PARD3: variants seen among roughly 807,000 people sequenced by gnomAD.
The protein encoded by PARD3 is par-3 family cell polarity regulator.
A neutral mutation model predicts 155.4 loss-of-function variants in PARD3; 75 were observed. That is an observed-to-expected ratio of 0.48 (90% CI 0.40 to 0.58). The LOEUF (loss-of-function observed/expected upper bound fraction) is 0.58, where lower values mean the gene tolerates loss of function less well. Ranked by LOEUF, PARD3 falls within the 20% of genes least tolerant of loss-of-function variation. The probability of loss-of-function intolerance (pLI) is 0.00; values close to 1 mark genes in which losing one functional copy is unlikely to be tolerated. For missense variants in PARD3, 1,642 were observed against 1,721.7 expected (o/e 0.95, Z 0.82); for synonymous variants, 576 against 610.5 (o/e 0.94, Z 0.83).
intron 2 of PARD3, among the ~76,000 whole-genome samples, chr10:34,603,877 T>C (rs187779461): frequency 6.6e-6 from 1 of 152,278 alleles, no homozygotes; most frequent in Non-Finnish European, 1.5e-5. Flanking sequence ...AAGGGCACAG[T>C]ACACAGAGAA....
At chr10:34,399,253 C>A in intron 7 of PARD3, 77 bp downstream of exon 7, 1 of 934,772 alleles carries the variant, frequency 1.1e-6, no homozygotes, top group Non-Finnish European at 1.8e-6. Flanking sequence ...TAAGTCAACA[C>A]CACTCTCTAT....
chr10:34,310,017 G>A (rs1250108141), intron 20 of PARD3, among the ~76,000 whole-genome samples: 2 of 151,850 alleles, frequency 1.3e-5, no homozygotes, highest in Non-Finnish European at 2.9e-5. Context: ...ATTAAACATA[G>A]GTCAGAAGAA....
chr10:34,477,430 CTGTT>C (rs1416448316), intron 3 of PARD3, among the ~76,000 whole-genome samples: 7 of 152,184 alleles, frequency 4.6e-5, no homozygotes, highest in Non-Finnish European at 1.0e-4. Flanking sequence ...AGGGTGGAGA[CTGTT>C]TGATGTGTAC....
chr10:34,420,171 T>C (rs1361032883), intron 5 of PARD3, among the ~76,000 whole-genome samples: 1 of 152,196 alleles, frequency 6.6e-6, no homozygotes, highest in Admixed American at 6.5e-5. Flanking sequence ...CCAGGCTAAA[T>C]CAATTTTTTA....
intron 2 of PARD3, among the ~76,000 whole-genome samples, chr10:34,670,557 AC>A (rs1431619738): frequency 6.6e-6 from 1 of 152,106 alleles, no homozygotes; most frequent in Non-Finnish European, 1.5e-5. Flanking sequence ...ACTAGCCCCA[AC>A]CCCATCCCAC....
At chr10:34,489,637 A>T (rs1326227480) in intron 3 of PARD3, among the ~76,000 whole-genome samples, 1 of 152,172 alleles carries the variant, frequency 6.6e-6, no homozygotes, top group Non-Finnish European at 1.5e-5. Context: ...TGTTTATATT[A>T]CCTTCAAAGT....
At chr10:34,431,760 A>T (rs1468831057) in intron 5 of PARD3, among the ~76,000 whole-genome samples, 1 of 132,186 alleles carries the variant, frequency 7.6e-6, no homozygotes, top group East Asian at 2.3e-4. Flanking sequence ...AAAAAAAAAA[A>T]AAAAAAATGC....
chr10:34,547,348 T>G (rs2133938014), intron 2 of PARD3, among the ~76,000 whole-genome samples: 1 of 152,338 alleles, frequency 6.6e-6, no homozygotes, highest in East Asian at 1.9e-4. Context: ...CAATACATTT[T>G]AAACATGAAC....
chr10:34,510,792 G>A (rs1026518200), intron 3 of PARD3, among the ~76,000 whole-genome samples: 1 of 151,974 alleles, frequency 6.6e-6, no homozygotes, highest in Admixed American at 6.6e-5. Context: ...CCCCTAGCCT[G>A]TACTATTCTG....
chr10:34,605,354 T>G (rs184733115), intron 2 of PARD3, among the ~76,000 whole-genome samples: 1 of 149,114 alleles, frequency 6.7e-6, no homozygotes, highest in Non-Finnish European at 1.5e-5. Context: ...CCACCACGCC[T>G]GGCTAATTTT....
intron 15 of PARD3, chr10:34,345,757 T>C: frequency 1.0e-6 from 1 of 985,426 alleles, no homozygotes; most frequent in Non-Finnish European, 1.2e-6. Context: ...AATGCCTTGT[T>C]TGGGCATTCT....
At chr10:34,674,295 GAAT>G (rs2093662033) in intron 2 of PARD3, among the ~76,000 whole-genome samples, 1 of 152,028 alleles carries the variant, frequency 6.6e-6, no homozygotes, top group African/African-American at 2.4e-5. Flanking sequence ...AGAAAGATCA[GAAT>G]AACCTGCCCC....
intron 22 of PARD3, among the ~76,000 whole-genome samples, chr10:34,218,125 C>T (rs1395917522): frequency 6.6e-6 from 1 of 152,178 alleles, no homozygotes. Flanking sequence ...ACACCATGCA[C>T]ACCTGACTGT....
intron 22 of PARD3, among the ~76,000 whole-genome samples, chr10:34,258,667 A>C (rs1048640013): frequency 3.3e-5 from 5 of 152,190 alleles, no homozygotes; most frequent in African/African-American, 9.7e-5. Flanking sequence ...TTAACCAAGA[A>C]AAACACATAG....
At chr10:34,177,637 G>T (rs1445290122) in intron 22 of PARD3, among the ~76,000 whole-genome samples, 1 of 152,146 alleles carries the variant, frequency 6.6e-6, no homozygotes, top group African/African-American at 2.4e-5. Flanking sequence ...AACCCACTGG[G>T]CAATTAGAAC....
intron 3 of PARD3, among the ~76,000 whole-genome samples, chr10:34,480,312 T>G (rs1345980445): frequency 6.6e-6 from 1 of 152,196 alleles, no homozygotes; most frequent in East Asian, 1.9e-4. Context: ...CACAGCTCAC[T>G]GCAGCCTGGA....
chr10:34,672,726 C>T lies in PARD3; in HGVS notation c.222+23592G>A, dbSNP rs555716178. On this transcript the variant is annotated intron_variant, in intron 2 of 24. Transcript: ENST00000374788. The stretch of plus-strand genomic sequence containing the variant: ...ATGCTCCTTGTAGAAGAACTGTTGC[C>T]TTTCAGGAAATATGTATTAATCCTC... Among the ~76,000 whole-genome samples, 10 of 152,276 alleles carry T rather than the reference C, an allele frequency of 6.6e-5. No individual in the cohort carries two copies. The South Asian group carries it at 1.0e-3, about 16-fold the overall frequency.
intron 1 of PARD3, among the ~76,000 whole-genome samples, chr10:34,716,832 T>C (rs1306166746): frequency 6.6e-6 from 1 of 152,108 alleles, no homozygotes; most frequent in Non-Finnish European, 1.5e-5. Context: ...CCTCAGGTGA[T>C]GCACCTGCCT....
intron 22 of PARD3, among the ~76,000 whole-genome samples, chr10:34,264,210 G>A (rs1201854186): frequency 6.6e-6 from 1 of 152,158 alleles, no homozygotes; most frequent in Non-Finnish European, 1.5e-5. Flanking sequence ...TTATAAAATA[G>A]GTTTCATGTT....
Sources: allele counts gnomAD v4.1 joint callset (sites outside exome capture counted in the v4.1 genomes callset), GRCh38; gene constraint gnomAD v4.1.1; transcripts MANE v1.5; gene names NCBI Gene and HGNC (gene_info 2026-07-23, HGNC 2026-07-21).